SLC14A2: variants seen among roughly 807,000 people sequenced by gnomAD.
SLC14A2 encodes solute carrier family 14 member 2, also known as urea transporter 2.
Under a neutral mutation model 104.6 loss-of-function variants are expected in SLC14A2, and 91 were observed. The ratio of observed to expected loss-of-function variants is 0.87; its 90% CI spans 0.73 to 1.04. SLC14A2 has a LOEUF of 1.04. Ranked by LOEUF, SLC14A2 falls within the 50% of genes least tolerant of loss-of-function variation. SLC14A2 has a pLI of 0.00. For synonymous variants in SLC14A2, 476 were observed against 466.4 expected, an observed-to-expected ratio of 1.02 and a Z score of -0.27; for missense variants, 1,189 against 1,156.0, an observed-to-expected ratio of 1.03 and a Z score of -0.41.
At chr18:45,481,365 C>A (rs2087489815) in intron 1 of SLC14A2, among the ~76,000 whole-genome samples, 1 of 152,000 alleles carries the variant, frequency 6.6e-6, no homozygotes, top group African/African-American at 2.4e-5. Flanking sequence ...GCTAATGAAT[C>A]CTATTTTATT....
At chr18:45,541,503 T>C (rs2043883061) in intron 2 of SLC14A2, among the ~76,000 whole-genome samples, 1 of 152,204 alleles carries the variant, frequency 6.6e-6, no homozygotes, top group African/African-American at 2.4e-5. Flanking sequence ...CCTGTGTCTG[T>C]GGAACTGAGG....
chr18:45,571,242 A>C (rs1416463842), intron 2 of SLC14A2, among the ~76,000 whole-genome samples: 1 of 152,244 alleles, frequency 6.6e-6, no homozygotes, highest in Admixed American at 6.5e-5. Flanking sequence ...CAATTTGACA[A>C]ACATTTATTT....
At chr18:45,337,084 G>A (rs968679971) in intron 1 of SLC14A2, among the ~76,000 whole-genome samples, 1 of 151,930 alleles carries the variant, frequency 6.6e-6, no homozygotes, top group Non-Finnish European at 1.5e-5. Context: ...TATACCTCCA[G>A]CTCTAAGCAG....
intron 1 of SLC14A2, among the ~76,000 whole-genome samples, chr18:45,475,651 A>T (rs1334471663): frequency 2.4e-3 from 55 of 22,852 alleles, no homozygotes; most frequent in South Asian, 0.022. Flanking sequence ...GGATATATAT[A>T]TATATATATA....
intron 1 of SLC14A2, among the ~76,000 whole-genome samples, chr18:45,398,352 G>A (rs1021442731): frequency 2.1e-4 from 32 of 152,152 alleles, no homozygotes; most frequent in African/African-American, 7.0e-4. Flanking sequence ...AAACAAGATG[G>A]CAGCACTATT....
chr18:45,460,879 G>A (rs1190575078), intron 1 of SLC14A2, among the ~76,000 whole-genome samples: 1 of 152,168 alleles, frequency 6.6e-6, no homozygotes, highest in East Asian at 1.9e-4. Context: ...GTGTGACTTA[G>A]AAGCTGGAAG....
At chr18:45,305,079 G>A (rs540126301) in intron 1 of SLC14A2, among the ~76,000 whole-genome samples, 1 of 152,330 alleles carries the variant, frequency 6.6e-6, no homozygotes, top group South Asian at 2.1e-4. Context: ...CTTGTGACCT[G>A]GGTTGGGAAA....
intron 1 of SLC14A2, among the ~76,000 whole-genome samples, chr18:45,329,422 A>G (rs891493515): frequency 2.4e-4 from 37 of 152,292 alleles, no homozygotes; most frequent in African/African-American, 8.7e-4. Context: ...TCAAATAACC[A>G]TCAATTTGCA....
intron 2 of SLC14A2, among the ~76,000 whole-genome samples, chr18:45,568,010 G>GCAAT (rs2044292241): frequency 6.6e-6 from 1 of 152,146 alleles, no homozygotes; most frequent in African/African-American, 2.4e-5. Context: ...TCAGTTCACT[G>GCAAT]CAATCAAACC....
intron 3 of SLC14A2, among the ~76,000 whole-genome samples, chr18:45,626,436 A>G (rs369645030): frequency 1.3e-5 from 2 of 152,238 alleles, no homozygotes; most frequent in African/African-American, 4.8e-5. Flanking sequence ...CCCCTCTCCT[A>G]TACCTGGCCT....
chr18:45,306,855 C>T (rs117204321), intron 1 of SLC14A2, among the ~76,000 whole-genome samples: 4,286 of 152,212 alleles, frequency 0.028, 82 homozygotes, highest in Middle Eastern at 0.061. Context: ...CTCACTTGTT[C>T]GGGCACTCTT....
At chr18:45,285,377 C>T (rs530805587) in intron 1 of SLC14A2, among the ~76,000 whole-genome samples, 42 of 152,232 alleles carry the variant, frequency 2.8e-4, no homozygotes, top group South Asian at 1.2e-3. Context: ...ACAGTTTGCA[C>T]GCCAGGGATT....
chr18:45,551,600 A>C (rs563447284), intron 2 of SLC14A2, among the ~76,000 whole-genome samples: 14 of 152,304 alleles, frequency 9.2e-5, no homozygotes, highest in Admixed American at 7.2e-4. Flanking sequence ...ATGTGTCAAC[A>C]TGAGGGCTAT....
rs560449087 is a variant in SLC14A2 at position 45,626,939 on chromosome 18, C to T, written c.332-19C>T. ...GCCCAAGCTGGACCTGCTGATGGCT[C>T]GCTCTCTGTCTCTTTCAGACAAGCA... On this transcript the variant is annotated intron_variant, in intron 3 of 19. Coordinates refer to ENST00000255226, the MANE Select transcript of SLC14A2 (RefSeq NM_007163.4). The T allele has an allele frequency of 1.4e-5, 23 of 1,598,960 alleles. No homozygotes were observed. In the South Asian group the frequency reaches 1.8e-4, roughly 12 times the overall value.
At position 45,582,619 on chromosome 18, in the gene SLC14A2, G is replaced by C. The variant is rs1249451586; in HGVS notation, c.-34-42012G>C. On this transcript the variant is annotated intron_variant, in intron 2 of 20. Transcript: ENST00000586448. ...TTTAGTCCAACGTGCTGATTTTAGA[G>C]ATGAGGAAACTGAGGTCCAGTGAGG... Among the ~76,000 whole-genome samples the C allele has an allele frequency of 3.3e-5, 5 of 152,154 alleles. No individual in the cohort carries two copies. The East Asian group carries it at 9.6e-4, about 29-fold the overall frequency.
At chr18:45,213,465 G>A (rs573310840) in intron 1 of SLC14A2, among the ~76,000 whole-genome samples, 1 of 152,234 alleles carries the variant, frequency 6.6e-6, no homozygotes, top group East Asian at 1.9e-4. Context: ...ACTATACCTA[G>A]ATTAACCCAT....
intron 1 of SLC14A2, among the ~76,000 whole-genome samples, chr18:45,325,099 G>A (rs1431015576): frequency 1.3e-5 from 2 of 152,164 alleles, no homozygotes; most frequent in African/African-American, 4.8e-5. Context: ...AAAGGAAACT[G>A]TCAGCCTCCA....
chr18:45,229,874 G>T (rs2084157763), intron 1 of SLC14A2, among the ~76,000 whole-genome samples: 1 of 151,966 alleles, frequency 6.6e-6, no homozygotes, highest in Admixed American at 6.6e-5. Flanking sequence ...AAAAGTGTAA[G>T]TTCTAAAGCC....
At chr18:45,385,943 G>C (rs1598742692) in intron 1 of SLC14A2, among the ~76,000 whole-genome samples, 1 of 152,320 alleles carries the variant, frequency 6.6e-6, no homozygotes, top group East Asian at 1.9e-4. Flanking sequence ...CATGTCCCCA[G>C]GGTAGGGTTA....
Sources: gnomAD v4.1 joint callset for allele counts (sites outside exome capture counted in the v4.1 genomes callset) on GRCh38, gnomAD v4.1.1 for gene constraint, MANE v1.5 for transcripts, NCBI Gene and HGNC (gene_info 2026-07-23, HGNC 2026-07-21) for gene names.